The following ESR2 variants were observed in gnomAD, a reference collection of about 807,000 sequenced individuals.
ESR2 encodes estrogen receptor beta.
Under a neutral mutation model 49.6 loss-of-function variants are expected in ESR2, and 36 were observed. That is an observed-to-expected ratio of 0.73 (90% CI 0.56 to 0.96). The LOEUF (loss-of-function observed/expected upper bound fraction) is 0.96, where lower values mean the gene tolerates loss of function less well. ESR2 is among the 40% of genes least tolerant of loss of function. The pLI is 0.00. For synonymous variants in ESR2, 320 were observed against 266.1 expected (o/e 1.20, Z -1.97); for missense variants, 714 against 693.0 (o/e 1.03, Z -0.34).
chr14:64,303,052 G>A (rs1292346874), intron 1 of ESR2, among the ~76,000 whole-genome samples: 1 of 151,994 alleles, frequency 6.6e-6, no homozygotes, highest in Non-Finnish European at 1.5e-5. Flanking sequence ...CTCCTGCCAT[G>A]GCCTCCCAAA....
At position 64,233,194 on chromosome 14, in the gene ESR2, G is replaced by A. The variant is rs748928216; in HGVS notation, c.1536C>T (p.Cys512=). 1.2e-6 allele frequency: 2 copies of A among 1,614,170 alleles called. No individual in the cohort carries two copies. Among genetic ancestry groups the A allele is most frequent in the Non-Finnish European group, 1.7e-6 (2 of 1,180,038 alleles). ...TGCTTTTACTGTCCTCTGCCGGGCT[G>A]CACTCGGACCCCGTGATGGAGGACT... ...GCKSSITGSE[C]SPAEDSKSKE... Residue 512 remains cysteine (C), a synonymous_variant, in exon 9 of 9, where the codon TGC becomes TGT. Coordinates refer to ENST00000341099, the MANE Select transcript of ESR2 (RefSeq NM_001437.3).
At chr14:64,244,114 T>C (rs999211873) in intron 7 of ESR2, among the ~76,000 whole-genome samples, 1 of 152,148 alleles carries the variant, frequency 6.6e-6, no homozygotes, top group Admixed American at 6.6e-5. Flanking sequence ...GTCAGTGGAC[T>C]AAGGCCAGGC....
At chr14:64,255,947 A>C (rs2076087916) in intron 6 of ESR2, among the ~76,000 whole-genome samples, 1 of 152,224 alleles carries the variant, frequency 6.6e-6, no homozygotes, top group Non-Finnish European at 1.5e-5. Context: ...TAACATTGTC[A>C]ACCATGACAA....
At chr14:64,237,137 T>C (rs2075621721) in intron 7 of ESR2, among the ~76,000 whole-genome samples, 1 of 152,016 alleles carries the variant, frequency 6.6e-6, no homozygotes, top group South Asian at 2.1e-4. Context: ...ATTTTTTGTA[T>C]TTTCAGTAGA....
Position 64,230,223 on chromosome 14 carries a change from ATCT to A in ESR2, c.*2911_*2913del, listed in dbSNP as rs2098725943. Among the ~76,000 whole-genome samples, 1 of 151,656 alleles carries A rather than the reference ATCT, an allele frequency of 6.6e-6. No individual in the cohort carries two copies. The highest frequency in any genetic ancestry group is 1.5e-5 in the Non-Finnish European group (1 of 67,942). On this transcript the variant is annotated 3_prime_UTR_variant, in exon 9 of 9. Coordinates refer to ENST00000341099, the MANE Select transcript of ESR2 (RefSeq NM_001437.3). ...AAAAAAAAAAAAAAAAAGGTGTCAA[ATCT>A]TATTAAGTGAGGATACTTTGTTTCA...
chr14:64,287,110 T>C (rs1231645410), intron 1 of ESR2, among the ~76,000 whole-genome samples: 1 of 152,094 alleles, frequency 6.6e-6, no homozygotes, highest in African/African-American at 2.4e-5. Context: ...TAAAGTTCAG[T>C]AGTGTTAAGG....
chr14:64,294,832 T>G (rs1183876103), upstream of ESR2, among the ~76,000 whole-genome samples: 1 of 152,190 alleles, frequency 6.6e-6, no homozygotes, highest in African/African-American at 2.4e-5. Flanking sequence ...GGCAAAGCCG[T>G]GGACTAGAGG....
chr14:64,314,628 A>C (rs902067271), intron 1 of ESR2, among the ~76,000 whole-genome samples: 9 of 152,120 alleles, frequency 5.9e-5, no homozygotes, highest in African/African-American at 2.2e-4. Context: ...CTGTAATCCC[A>C]GCACTTTGAG....
At chr14:64,264,511 A>C (rs775341936) in intron 4 of ESR2, among the ~76,000 whole-genome samples, 12 of 152,194 alleles carry the variant, frequency 7.9e-5, no homozygotes, top group Non-Finnish European at 1.5e-4. Context: ...TGTGCAGAAC[A>C]TGCAGGTTTG....
intron 6 of ESR2, among the ~76,000 whole-genome samples, chr14:64,250,863 C>A (rs1285181802): frequency 6.6e-6 from 1 of 152,210 alleles, no homozygotes; most frequent in Non-Finnish European, 1.5e-5. Flanking sequence ...AGCACTCACA[C>A]TCTCCCACCC....
At chr14:64,256,790 A>C (rs183852257) in intron 6 of ESR2, among the ~76,000 whole-genome samples, 1 of 152,320 alleles carries the variant, frequency 6.6e-6, no homozygotes, top group Admixed American at 6.5e-5. Context: ...GAGTTAAAGC[A>C]TGTGAAAATA....
rs570330772 is a variant in ESR2, at chr14:64,320,907, T to C, written c.-91+16991A>G. 8.0e-4 allele frequency among the ~76,000 whole-genome samples: 121 copies of C among 152,064 alleles called. 1 individual carries two copies. The highest frequency in any genetic ancestry group is 2.8e-3 in the African/African-American group (115 of 41,486). On this transcript the variant is annotated intron_variant, in intron 1 of 8. Coordinates refer to the ESR2 transcript ENST00000358599. ...CGAAACTCCGCCTCAATAATAATAA[T>C]AATAATAATGTATTAATGTTAACTC...
intron 7 of ESR2, 37 bp downstream of exon 7, chr14:64,249,504 TCTCTC>T: frequency 6.3e-7 from 1 of 1,599,114 alleles, no homozygotes; most frequent in Non-Finnish European, 8.5e-7. Context: ...AGAAACAGCA[TCTCTC>T]CCCGATAAAA....
At chr14:64,281,460 C>T (rs1208950959) in intron 2 of ESR2, among the ~76,000 whole-genome samples, 2 of 150,164 alleles carry the variant, frequency 1.3e-5, no homozygotes, top group Non-Finnish European at 3.0e-5. Context: ...AAAAAAAAAA[C>T]AAACCATTAC....
intron 1 of ESR2, among the ~76,000 whole-genome samples, chr14:64,283,907 C>T (rs2140825639): frequency 6.6e-6 from 1 of 151,908 alleles, no homozygotes; most frequent in East Asian, 1.9e-4. Context: ...TCTGTTGCTT[C>T]TCAGTTTTGT....
intron 4 of ESR2, 88 bp downstream of exon 4, chr14:64,268,707 T>C (rs2076379538): frequency 1.3e-6 from 1 of 763,682 alleles, no homozygotes; most frequent in African/African-American, 1.7e-5. Flanking sequence ...CCAAATCTTC[T>C]CTTTTCCCGG....
At chr14:64,299,472 G>T (rs748899251) in intron 1 of ESR2, among the ~76,000 whole-genome samples, 2 of 138,882 alleles carry the variant, frequency 1.4e-5, no homozygotes, top group Non-Finnish European at 3.0e-5. Context: ...ACAATCTTCC[G>T]CCTCAGCCCC....
chr14:64,315,261 A>T (rs2077239763), intron 1 of ESR2, among the ~76,000 whole-genome samples: 2 of 151,000 alleles, frequency 1.3e-5, no homozygotes, highest in East Asian at 1.9e-4. Flanking sequence ...AAAAAAAAAA[A>T]AAAAAGGAGA....
chr14:64,241,915 A>G (rs555267144), intron 7 of ESR2, among the ~76,000 whole-genome samples: 1 of 152,340 alleles, frequency 6.6e-6, no homozygotes, highest in South Asian at 2.1e-4. Flanking sequence ...CACTGGGTAG[A>G]ACTTACAGTA....
Sources: allele counts gnomAD v4.1 joint callset (sites outside exome capture counted in the v4.1 genomes callset), GRCh38; gene constraint gnomAD v4.1.1; transcripts MANE v1.5; gene names NCBI Gene and HGNC (gene_info 2026-07-23, HGNC 2026-07-21).